ELMOD3: variants seen among roughly 807,000 people sequenced by gnomAD.
ELMOD3 encodes the protein ELMO domain-containing protein 3.
ELMOD3 carries 36 observed loss-of-function variants against 47.4 expected under a neutral mutation model. That is an observed-to-expected ratio of 0.76 (90% CI 0.58 to 1.00). The LOEUF (loss-of-function observed/expected upper bound fraction) is 1.00. Among genes scored for constraint, ELMOD3 ranks in the 50% least tolerant of loss-of-function variants. The pLI is 0.00. For missense variants in ELMOD3, 404 were observed against 463.8 expected (o/e 0.87, Z 1.18); for synonymous variants, 149 against 183.5 (o/e 0.81, Z 1.52).
chr2:85,384,211 C>T (rs1448190940), intron 11 of ELMOD3, among the ~76,000 whole-genome samples: 2 of 152,230 alleles, frequency 1.3e-5, no homozygotes, highest in Non-Finnish European at 2.9e-5. Flanking sequence ...AAGCAGTTTC[C>T]AGCTTGACAT....
intron 11 of ELMOD3, among the ~76,000 whole-genome samples, chr2:85,386,761 C>T (rs940586181): frequency 4.6e-5 from 7 of 152,034 alleles, no homozygotes; most frequent in South Asian, 2.1e-4. Context: ...TTTGGAAGGC[C>T]GAGACAAGCA....
chr2:85,371,505 G>A lies in ELMOD3; in HGVS notation c.550G>A (p.Gly184Ser), dbSNP rs748378091. The A allele has an allele frequency of 1.7e-5, 27 of 1,613,942 alleles. No homozygotes were observed. Among genetic ancestry groups the A allele is most frequent in the Middle Eastern group, 1.6e-4 (1 of 6,080 alleles). ...CCAGACCATCTATAAGAAGCTGACC[G>A]GCTCCAAGTTTGACTGTGCCCTTCA... Reference protein sequence around the residue: ...VLQTIYKKLTGSKFDCALHGN... With the variant: ...VLQTIYKKLTSSKFDCALHGN... The change falls in exon 10 of 14, where the codon GGC becomes AGC. Residue 184 changes from glycine (G) to serine (S), a missense_variant. By Grantham distance (56) the Gly-to-Ser change is moderately conservative (BLOSUM62 0). Coordinates refer to ENST00000409013, the MANE Select transcript of ELMOD3 (RefSeq NM_001135022.2).
rs1365471094 is a variant in ELMOD3, at chr2:85,368,768, T to C, written c.268+14T>C. ...AGCCAGAGACAGGTAACTGTACGAA[T>C]GCTGCTGTCTCCCCATAGCCCCTCT... On this transcript the variant is annotated intron_variant, in intron 7 of 13. Coordinates refer to ENST00000409013, the MANE Select transcript of ELMOD3 (RefSeq NM_001135022.2). 1 of 1,613,882 alleles carries C rather than the reference T, an allele frequency of 6.2e-7. No homozygotes were observed. The highest frequency in any genetic ancestry group is 1.3e-5 in the African/African-American group (1 of 74,940).
rs1684023771 is a variant in ELMOD3, at chr2:85,362,203, TGGATATTCTCCATCATATGACAA to T, written c.76_98del (p.Tyr26GlnfsTer29). ...TTTTACAGGGTGAAAGATTGTCTGC[TGGATATTCTCCATCATATGACAA>T]GGACAAGAGTGTTCTGGCTTTCAGA... On this transcript the variant is annotated frameshift_variant, in exon 5 of 14. Transcript: ENST00000409013. LOFTEE classifies it high-confidence loss of function. 1 of 1,601,874 alleles carries T rather than the reference TGGATATTCTCCATCATATGACAA, an allele frequency of 6.2e-7. No individual in the cohort carries two copies.
intron 11 of ELMOD3, among the ~76,000 whole-genome samples, chr2:85,382,239 A>G (rs1466029840): frequency 1.3e-5 from 2 of 150,724 alleles, no homozygotes; most frequent in Admixed American, 1.3e-4. Flanking sequence ...GGAGGTCAAG[A>G]CCATCCTGCC....
chr2:85,384,857 T>G (rs1009434366), intron 11 of ELMOD3, among the ~76,000 whole-genome samples: 1 of 152,210 alleles, frequency 6.6e-6, no homozygotes, highest in African/African-American at 2.4e-5. Context: ...ACTGAATGAA[T>G]ATTTTTTCAG....
At position 85,369,747 on chromosome 2, in the gene ELMOD3, G is replaced by GCT; in HGVS notation, c.278_279dup (p.Ser94LeufsTer9). On this transcript the variant is annotated frameshift_variant, in exon 8 of 14. Coordinates refer to ENST00000409013, the MANE Select transcript of ELMOD3 (RefSeq NM_001135022.2). LOFTEE classifies it high-confidence loss of function. ...CTTCCGTTTTGCCACAGGGAGCCAA[G>GCT]CTAGCTCAGAGCAGCCTGGGCAGCT... 2 of 1,613,960 alleles carry GCT rather than the reference G, an allele frequency of 1.2e-6. No individual in the cohort carries two copies. The highest frequency in any genetic ancestry group is 1.7e-6 in the Non-Finnish European group (2 of 1,179,900).
At chr2:85,380,971 C>T (rs1351927336) in intron 11 of ELMOD3, among the ~76,000 whole-genome samples, 1 of 152,166 alleles carries the variant, frequency 6.6e-6, no homozygotes, top group Non-Finnish European at 1.5e-5. Flanking sequence ...AATAATTTAA[C>T]ATAACAATTA....
At chr2:85,366,979 T>G (rs1313686498) in intron 6 of ELMOD3, among the ~76,000 whole-genome samples, 1 of 152,198 alleles carries the variant, frequency 6.6e-6, no homozygotes, top group Non-Finnish European at 1.5e-5. Flanking sequence ...AAGATGCCGC[T>G]AGCAGTTTGA....
intron 4 of ELMOD3, among the ~76,000 whole-genome samples, chr2:85,359,695 G>T (rs940785916): frequency 1.3e-5 from 2 of 152,100 alleles, no homozygotes; most frequent in Admixed American, 6.6e-5. Context: ...CTCCCAAAGT[G>T]CTGAGATTAC....
chr2:85,363,632 C>T lies in ELMOD3; in HGVS notation c.199+466C>T, dbSNP rs190400018. Among the ~76,000 whole-genome samples, 3 of 152,288 alleles carry T rather than the reference C, an allele frequency of 2.0e-5. No homozygotes were observed. The East Asian group carries it at 5.8e-4, about 29-fold the overall frequency. On this transcript the variant is annotated intron_variant, in intron 6 of 13. Transcript: ENST00000409013. ...TTTTCATGCTGTTGATAAAGGCATACCCAAGACTGGGAAGAAAAAGAGGTT... is the reference window on the plus strand; with the variant it reads ...TTTTCATGCTGTTGATAAAGGCATATCCAAGACTGGGAAGAAAAAGAGGTT...
intron 11 of ELMOD3, among the ~76,000 whole-genome samples, chr2:85,380,175 T>G (rs1685446118): frequency 6.6e-6 from 1 of 152,208 alleles, no homozygotes; most frequent in African/African-American, 2.4e-5. Flanking sequence ...TGCCATAAAT[T>G]AAGAATACTC....
At chr2:85,369,251 C>T (rs1304938973) in intron 7 of ELMOD3, among the ~76,000 whole-genome samples, 4 of 152,358 alleles carry the variant, frequency 2.6e-5, no homozygotes, top group Non-Finnish European at 5.9e-5. Context: ...CTGAGCCTCT[C>T]TTCAGCTCCT....
At chr2:85,365,323 C>T (rs910184157) in intron 6 of ELMOD3, among the ~76,000 whole-genome samples, 2 of 150,646 alleles carry the variant, frequency 1.3e-5, no homozygotes, top group Non-Finnish European at 3.0e-5. Flanking sequence ...GCACTCCAGC[C>T]TGGGCGACAG....
At chr2:85,364,456 C>T (rs866418693) in intron 6 of ELMOD3, among the ~76,000 whole-genome samples, 4 of 151,538 alleles carry the variant, frequency 2.6e-5, no homozygotes, top group African/African-American at 4.9e-5. Context: ...TGGTGGTGCA[C>T]GCCTGTAATC....
At chr2:85,360,214 C>T (rs1180993850) in intron 4 of ELMOD3, among the ~76,000 whole-genome samples, 3 of 136,580 alleles carry the variant, frequency 2.2e-5, no homozygotes, top group Admixed American at 8.1e-5. Context: ...TGAGGTGAGC[C>T]GAGATTGCAC....
intron 4 of ELMOD3, among the ~76,000 whole-genome samples, chr2:85,359,469 G>A (rs1159424812): frequency 1.4e-5 from 2 of 143,318 alleles, no homozygotes; most frequent in African/African-American, 2.7e-5. Context: ...GTGCAATGAC[G>A]CGATCTCGGC....
At chr2:85,380,759 A>C (rs1685484583) in intron 11 of ELMOD3, among the ~76,000 whole-genome samples, 1 of 152,172 alleles carries the variant, frequency 6.6e-6, no homozygotes, top group Non-Finnish European at 1.5e-5. Flanking sequence ...TCCTGACCTC[A>C]AGTGATGTGC....
chr2:85,362,821 A>C (rs1389877582), intron 5 of ELMOD3, among the ~76,000 whole-genome samples: 4 of 152,174 alleles, frequency 2.6e-5, no homozygotes, highest in Non-Finnish European at 5.9e-5. Flanking sequence ...GGGAGGCTGA[A>C]GTAGGAGGAT....
Sources: allele counts gnomAD v4.1 joint callset (sites outside exome capture counted in the v4.1 genomes callset), GRCh38; gene constraint gnomAD v4.1.1; transcripts MANE v1.5; gene names NCBI Gene and HGNC (gene_info 2026-07-23, HGNC 2026-07-21).